NBAS: variants seen among roughly 807,000 people sequenced by gnomAD.
The protein encoded by NBAS is NAG/BC035112 fusion.
NBAS carries 219 observed loss-of-function variants against 302.5 expected under a neutral mutation model. The ratio of observed to expected loss-of-function variants is 0.72; its 90% confidence interval spans 0.65 to 0.81. The LOEUF is 0.81. Among genes scored for constraint, NBAS ranks in the 30% least tolerant of loss-of-function variants. The pLI, the probability that NBAS is intolerant of heterozygous loss-of-function variation, is 0.00. For synonymous variants in NBAS, 1,118 were observed against 1,021.6 expected (o/e 1.09, Z -1.80); for missense variants, 2,932 against 2,841.6 (o/e 1.03, Z -0.72).
chr2:14,946,375 T>G, the NBAS span, among the ~76,000 whole-genome samples: 2 of 151,962 alleles, frequency 1.3e-5, no homozygotes, highest in African/African-American at 2.4e-5. Flanking sequence ...CAATTTAGAC[T>G]TCTCAAAGGA....
rs1163208207 is a variant in NBAS at position 15,461,748 on chromosome 2, G to A, written c.2141C>T (p.Ala714Val). 1.2e-6 allele frequency: 2 copies of A among 1,608,618 alleles called. No individual in the cohort carries two copies. The highest frequency in any genetic ancestry group is 1.3e-5 in the African/African-American group (1 of 74,736). ...ATTTCTGAATTTCTTAAAGAATTCA[G>A]CATCATATCTCTGTTCAGATGCATG... ...VPHASEQRYDAEFFKKFRNQN... is the reference protein window; with the variant it reads ...VPHASEQRYDVEFFKKFRNQN... Residue 714 changes from alanine to valine, a missense_variant, in exon 20 of 52, where the codon GCT (alanine) becomes GTT (valine). Ala to Val is a moderately conservative substitution (Grantham distance 64). Transcript: ENST00000281513.
chr2:14,989,283 A>ATGTGTGTGTGTG, the NBAS span, among the ~76,000 whole-genome samples: 1 of 68,674 alleles, frequency 1.5e-5, no homozygotes, highest in Non-Finnish European at 3.3e-5. Flanking sequence ...TATATAGTAG[A>ATGTGTGTGTGTG]TGTATGTGTA....
At chr2:15,457,241 CAA>C (rs1166509416) in intron 21 of NBAS, among the ~76,000 whole-genome samples, 3 of 152,114 alleles carry the variant, frequency 2.0e-5, no homozygotes, top group Non-Finnish European at 4.4e-5. Flanking sequence ...TGTTTCAACT[CAA>C]GTCACTAATT....
At chr2:15,333,231 AAATAC>A (rs570604043) in intron 35 of NBAS, among the ~76,000 whole-genome samples, 197 of 152,298 alleles carry the variant, frequency 1.3e-3, no homozygotes, top group Middle Eastern at 3.4e-3. Context: ...TTCAGGAAGA[AAATAC>A]AACTTAAGAG....
chr2:15,358,771 C>A (rs1393322422), intron 32 of NBAS, among the ~76,000 whole-genome samples: 4 of 152,098 alleles, frequency 2.6e-5, no homozygotes, highest in Non-Finnish European at 5.9e-5. Flanking sequence ...AGGTGAGGAG[C>A]CAACCGGCCT....
chr2:15,312,244 C>T (rs1671310814), intron 38 of NBAS, among the ~76,000 whole-genome samples: 2 of 152,150 alleles, frequency 1.3e-5, no homozygotes, highest in African/African-American at 4.8e-5. Context: ...ACCTTACATC[C>T]TCACCTAGAG....
the NBAS span, among the ~76,000 whole-genome samples, chr2:14,928,382 G>T: frequency 2.0e-5 from 3 of 152,066 alleles, no homozygotes; most frequent in African/African-American, 7.2e-5. Flanking sequence ...GAGAAGAAGA[G>T]AAAATATAGG....
intron 11 of NBAS, among the ~76,000 whole-genome samples, chr2:15,496,081 CACAT>C (rs1169557203): frequency 1.4e-5 from 2 of 139,498 alleles, no homozygotes; most frequent in East Asian, 4.0e-4. Flanking sequence ...TATACACACA[CACAT>C]ACATATACAG....
the NBAS span, among the ~76,000 whole-genome samples, chr2:14,942,571 A>G: frequency 4.2e-3 from 639 of 152,292 alleles, 7 homozygotes; most frequent in African/African-American, 0.015. Flanking sequence ...CCATGAGCCA[A>G]TTCAACTTCT....
the NBAS span, among the ~76,000 whole-genome samples, chr2:15,084,730 C>G: frequency 6.6e-6 from 1 of 152,098 alleles, no homozygotes; most frequent in Non-Finnish European, 1.5e-5. Context: ...GCCACTCCTC[C>G]TCATCTCTCT....
the NBAS span, among the ~76,000 whole-genome samples, chr2:15,044,574 A>G: frequency 6.6e-6 from 1 of 152,244 alleles, no homozygotes; most frequent in Non-Finnish European, 1.5e-5. Context: ...GCCATGGAAC[A>G]TGAGGAGACT....
chr2:15,312,873 T>TA (rs934342365), intron 38 of NBAS, among the ~76,000 whole-genome samples: 2 of 152,188 alleles, frequency 1.3e-5, no homozygotes, highest in African/African-American at 4.8e-5. Context: ...CTTTCACACA[T>TA]ACTTTCTATT....
Position 15,276,901 on chromosome 2 carries a change from T to A in NBAS, c.5339A>T (p.Lys1780Ile). The A allele has an allele frequency of 6.2e-7, 1 of 1,614,012 alleles. No homozygotes were observed. The highest frequency in any genetic ancestry group is 8.5e-7 in the Non-Finnish European group (1 of 1,179,978). Residue 1780 changes from lysine (K) to isoleucine (I), a missense_variant, in exon 43 of 52, where the codon AAA (lysine) becomes ATA (isoleucine). By Grantham distance (102) the Lys-to-Ile change is moderately radical. Coordinates refer to ENST00000281513, the MANE Select transcript of NBAS (RefSeq NM_015909.4). ...GCADLGNCAI[K>I]PETHIRLLKK... ...CAGCAGTCGAATGTGGGTTTCTGGTTTAATGGCACAGTTCCCCAAATCTGC... is the reference window on the plus strand; with the variant it reads ...CAGCAGTCGAATGTGGGTTTCTGGTATAATGGCACAGTTCCCCAAATCTGC...
At chr2:15,205,738 T>C (rs1031699133) in intron 48 of NBAS, among the ~76,000 whole-genome samples, 2 of 152,134 alleles carry the variant, frequency 1.3e-5, no homozygotes, top group African/African-American at 4.8e-5. Context: ...GTCATAGAGT[T>C]CTCACGAGAT....
At chr2:14,958,818 A>T in the NBAS span, among the ~76,000 whole-genome samples, 1 of 152,324 alleles carries the variant, frequency 6.6e-6, no homozygotes, top group East Asian at 1.9e-4. Context: ...CAAGAAAAAA[A>T]TGGGGATCTA....
chr2:15,110,774 C>T, the NBAS span, among the ~76,000 whole-genome samples: 1 of 152,134 alleles, frequency 6.6e-6, no homozygotes, highest in Non-Finnish European at 1.5e-5. Context: ...GACAAGTCCT[C>T]TCCCCAACAC....
chr2:14,806,778 A>G, the NBAS span, among the ~76,000 whole-genome samples: 4 of 152,252 alleles, frequency 2.6e-5, no homozygotes. Flanking sequence ...ATGGGTTTTG[A>G]GCAACGCTCA....
At chr2:15,416,813 G>GAAA (rs199927157) in intron 24 of NBAS, among the ~76,000 whole-genome samples, 2 of 74,922 alleles carry the variant, frequency 2.7e-5, no homozygotes, top group African/African-American at 8.9e-5. Flanking sequence ...CTGAAAAAAA[G>GAAA]AAAAAAAAAA....
the NBAS span, among the ~76,000 whole-genome samples, chr2:14,874,819 A>T: frequency 6.6e-6 from 1 of 151,626 alleles, no homozygotes; most frequent in Non-Finnish European, 1.5e-5. Flanking sequence ...ACCAAGTGGG[A>T]TTTTCTCAGG....
Sources: allele counts gnomAD v4.1 joint callset (sites outside exome capture counted in the v4.1 genomes callset), GRCh38; gene constraint gnomAD v4.1.1; transcripts MANE v1.5; gene names NCBI Gene and HGNC (gene_info 2026-07-23, HGNC 2026-07-21).